Variants in PLVAP observed in about 807,000 individuals in gnomAD.
PLVAP encodes plasmalemma vesicle-associated protein.
PLVAP carries 34 observed loss-of-function variants against 43.1 expected under a neutral mutation model. The ratio of observed to expected loss-of-function variants is 0.79; its 90% CI spans 0.60 to 1.05. The LOEUF is 1.05. Among genes scored for constraint, PLVAP ranks in the 50% least tolerant of loss-of-function variants. The pLI is 0.00. For missense variants in PLVAP, 574 were observed against 593.4 expected, an observed-to-expected ratio of 0.97 and a Z score of 0.34; for synonymous variants, 241 against 237.3, an observed-to-expected ratio of 1.02 and a Z score of -0.14.
Position 17,365,736 on chromosome 19 carries a change from G to A in PLVAP, c.729C>T (p.Asp243=), listed in dbSNP as rs1568375463. Residue 243 remains aspartate (D), a synonymous_variant, in exon 3 of 6, where the codon GAC becomes GAT. Transcript: ENST00000252590. ...FEMDLRNLWR[D]SIIPRSLDNL... Reference sequence around the variant, plus strand: ...TGTCCAGGCTGCGTGGGATAATGGAGTCCCTCCACAGGTTACGAAGGTCCA... The same window carrying A: ...TGTCCAGGCTGCGTGGGATAATGGAATCCCTCCACAGGTTACGAAGGTCCA... The A allele has an allele frequency of 1.2e-6, 2 of 1,614,100 alleles. No homozygotes were observed. Among genetic ancestry groups the A allele is most frequent in the Non-Finnish European group, 1.7e-6 (2 of 1,180,042 alleles).
chr19:17,368,064 ATTT>A (rs34115667), intron 1 of PLVAP, among the ~76,000 whole-genome samples: 16,383 of 75,806 alleles, frequency 0.22, 1,363 homozygotes, highest in East Asian at 0.31. Flanking sequence ...TGCCCGGCTA[ATTT>A]TTTTTTTTTT....
At chr19:17,376,258 G>A (rs1216141947) in intron 1 of PLVAP, among the ~76,000 whole-genome samples, 5 of 152,270 alleles carry the variant, frequency 3.3e-5, no homozygotes, top group Non-Finnish European at 7.4e-5. Flanking sequence ...GGGAGGCTGG[G>A]GTGAGAGGAT....
chr19:17,355,669 G>A (rs2074504200), intron 5 of PLVAP, among the ~76,000 whole-genome samples: 1 of 151,898 alleles, frequency 6.6e-6, no homozygotes, highest in South Asian at 2.1e-4. Context: ...CGAGTAGCTG[G>A]GATTACAGGC....
chr19:17,366,381 G>A (rs1334613272), intron 1 of PLVAP, among the ~76,000 whole-genome samples, 186 bp from the exon 2 acceptor site: 1 of 152,134 alleles, frequency 6.6e-6, no homozygotes, highest in Non-Finnish European at 1.5e-5. Flanking sequence ...TACTTGGGAG[G>A]CTGAGGTGGG....
At chr19:17,376,800 A>C in intron 1 of PLVAP, 120 bp downstream of exon 1, 9 of 1,038,390 alleles carry the variant, frequency 8.7e-6, no homozygotes, top group African/African-American at 8.1e-5. Flanking sequence ...TCTGTCTCAT[A>C]AGAAAAGAGA....
chr19:17,376,476 A>G (rs1277770158), intron 1 of PLVAP, among the ~76,000 whole-genome samples: 1 of 151,456 alleles, frequency 6.6e-6, no homozygotes, highest in Non-Finnish European at 1.5e-5. Context: ...CAGGATACAC[A>G]TGGAGACCCT....
intron 1 of PLVAP, among the ~76,000 whole-genome samples, chr19:17,373,359 T>G (rs1599579714): frequency 6.6e-6 from 1 of 150,928 alleles, no homozygotes; most frequent in African/African-American, 2.4e-5. Context: ...GGGCGAGGGG[T>G]TGAGGTGGAG....
chr19:17,365,604 G>A lies in PLVAP; in HGVS notation c.861C>T (p.Ala287=). The part of the protein sequence containing the change: ...SLMSSKVEEL[A]RSLRADIERV... The stretch of plus-strand genomic sequence containing the variant: ...GTTCGATATCCGCCCGGAGGCTCCG[G>A]GCCAGCTCCTCCACCTTGGAGCTCA... The change falls in exon 3 of 6, where the codon GCC becomes GCT. Residue 287 remains alanine (A), a synonymous_variant. Coordinates refer to ENST00000252590, the MANE Select transcript of PLVAP (RefSeq NM_031310.3). 2 of 1,613,156 alleles carry A rather than the reference G, an allele frequency of 1.2e-6. No individual in the cohort carries two copies. Among genetic ancestry groups the A allele is most frequent in the Non-Finnish European group, 1.7e-6 (2 of 1,180,020 alleles).
At position 17,360,808 on chromosome 19, in the gene PLVAP, T is replaced by G; in HGVS notation, c.1204A>C (p.Arg402=). ...TKSQPMMPVS[R]PMGPVPNPQP... ...GGGTTGGGGACAGGGCCCATGGGCC[T>G]TGACACTGGCATCATCGGCTGCGAC... is the stretch of plus-strand genomic sequence containing the variant. The change falls in exon 4 of 6, where the codon AGG becomes CGG. Residue 402 remains arginine, a synonymous_variant. Coordinates refer to ENST00000252590, the MANE Select transcript of PLVAP (RefSeq NM_031310.3). 1 of 1,613,970 alleles carries G rather than the reference T, an allele frequency of 6.2e-7. No individual in the cohort carries two copies. The highest frequency in any genetic ancestry group is 8.5e-7 in the Non-Finnish European group (1 of 1,179,866).
chr19:17,373,745 G>A (rs533056207), intron 1 of PLVAP, among the ~76,000 whole-genome samples: 10 of 152,212 alleles, frequency 6.6e-5, no homozygotes, highest in East Asian at 1.9e-4. Context: ...AGAGTGGCGC[G>A]ATGGTCTCCA....
intron 1 of PLVAP, among the ~76,000 whole-genome samples, chr19:17,373,660 G>C (rs1181386929): frequency 6.6e-6 from 1 of 152,028 alleles, no homozygotes; most frequent in Non-Finnish European, 1.5e-5. Flanking sequence ...GGGCAGGCGG[G>C]ACACCCCCTG....
intron 5 of PLVAP, among the ~76,000 whole-genome samples, chr19:17,359,737 G>A (rs1430787807): frequency 2.2e-5 from 3 of 136,606 alleles, no homozygotes; most frequent in African/African-American, 8.4e-5. Context: ...CTGTCGTCCA[G>A]GCTGGAGTGC....
chr19:17,368,368 G>A (rs192240092), intron 1 of PLVAP, among the ~76,000 whole-genome samples: 266 of 149,806 alleles, frequency 1.8e-3, no homozygotes, highest in Middle Eastern at 0.014. Flanking sequence ...CACCGCACTC[G>A]GCCGAACTAA....
At chr19:17,375,482 GA>G (rs1257806938) in intron 1 of PLVAP, among the ~76,000 whole-genome samples, 2 of 152,144 alleles carry the variant, frequency 1.3e-5, no homozygotes, top group Non-Finnish European at 2.9e-5. Flanking sequence ...TGCTGGCTGG[GA>G]ATGGTGGCTC....
chr19:17,352,275 G>A lies in PLVAP; in HGVS notation c.*87C>T. 3 of 1,557,326 alleles carry A rather than the reference G, an allele frequency of 1.9e-6. No homozygotes were observed. The highest frequency in any genetic ancestry group is 1.1e-5 in the South Asian group (1 of 89,864). The stretch of plus-strand genomic sequence containing the variant: ...GGGTGGTTGGGGGCGGCGGGAGGGG[G>A]TTGTGTCGGGCGCTGTGAGCATATC... On this transcript the variant is annotated 3_prime_UTR_variant, in exon 6 of 6. Coordinates refer to ENST00000252590, the MANE Select transcript of PLVAP (RefSeq NM_031310.3).
chr19:17,354,599 A>C (rs1435977522), intron 5 of PLVAP, among the ~76,000 whole-genome samples: 1 of 7,278 alleles, frequency 1.4e-4, no homozygotes, highest in African/African-American at 2.1e-4. Flanking sequence ...TCTGTCTCAA[A>C]AAAAAAAAAA....
intron 3 of PLVAP, among the ~76,000 whole-genome samples, chr19:17,363,237 C>T (rs1351542039): frequency 3.3e-5 from 5 of 152,070 alleles, no homozygotes; most frequent in African/African-American, 9.7e-5. Context: ...GATCTGGGCT[C>T]GCTGCAACCT....
At chr19:17,357,285 G>C (rs894049373) in intron 5 of PLVAP, among the ~76,000 whole-genome samples, 2 of 151,320 alleles carry the variant, frequency 1.3e-5, no homozygotes, top group Non-Finnish European at 2.9e-5. Context: ...CAGAGTGAGA[G>C]TCCATCTCAA....
At chr19:17,374,429 C>G (rs949920401) in intron 1 of PLVAP, among the ~76,000 whole-genome samples, 1 of 152,100 alleles carries the variant, frequency 6.6e-6, no homozygotes, top group African/African-American at 2.4e-5. Flanking sequence ...TGCGCCACTG[C>G]ACTCCAGCCT....
Sources: gnomAD v4.1 joint callset for allele counts (sites outside exome capture counted in the v4.1 genomes callset) on GRCh38, gnomAD v4.1.1 for gene constraint, MANE v1.5 for transcripts, NCBI Gene and HGNC (gene_info 2026-07-23, HGNC 2026-07-21) for gene names.